The following SEMA3A variants were observed in gnomAD, a reference collection of about 807,000 sequenced individuals.
SEMA3A encodes semaphorin 3A, also known as semaphorin-3A.
Under a neutral mutation model 97.9 loss-of-function variants are expected in SEMA3A, and 29 were observed. That is an observed-to-expected ratio of 0.30 (90% CI 0.22 to 0.40). SEMA3A has a LOEUF of 0.40. Among genes scored for constraint, SEMA3A ranks in the 10% least tolerant of loss-of-function variants. The pLI is 1.00. For synonymous variants in SEMA3A, 321 were observed against 323.7 expected (o/e 0.99, Z 0.09); for missense variants, 763 against 951.3 (o/e 0.80, Z 2.60).
At chr7:84,415,654 A>G (rs2116263040) in intron 1 of SEMA3A, among the ~76,000 whole-genome samples, 1 of 152,160 alleles carries the variant, frequency 6.6e-6, no homozygotes, top group South Asian at 2.1e-4. Flanking sequence ...ACTCCTCTTC[A>G]GGTTTGGAAT....
chr7:84,037,183 G>A (rs569617190), intron 6 of SEMA3A, among the ~76,000 whole-genome samples: 1 of 150,416 alleles, frequency 6.6e-6, no homozygotes, highest in African/African-American at 2.4e-5. Context: ...TTCTCTTAAG[G>A]ATTACCTGTT....
chr7:84,042,914 T>C (rs1279009640), intron 6 of SEMA3A, among the ~76,000 whole-genome samples: 1 of 152,100 alleles, frequency 6.6e-6, no homozygotes, highest in Non-Finnish European at 1.5e-5. Context: ...ATCATTATGA[T>C]AACAGCAGCA....
intron 5 of SEMA3A, among the ~76,000 whole-genome samples, chr7:84,054,951 G>C (rs190129375): frequency 0.013 from 1,986 of 152,132 alleles, 12 homozygotes; most frequent in East Asian, 0.021. Context: ...AGGTCTGTTG[G>C]AGTACCCTGC....
intron 1 of SEMA3A, among the ~76,000 whole-genome samples, chr7:84,474,347 G>T (rs528185948): frequency 1.4e-4 from 21 of 152,304 alleles, no homozygotes; most frequent in Admixed American, 1.3e-3. Context: ...AAGACAGGTT[G>T]TTTCCCAGAT....
intron 1 of SEMA3A, among the ~76,000 whole-genome samples, chr7:84,463,234 A>ATTTTTTTTT (rs1156790369): frequency 1.6e-5 from 1 of 62,064 alleles, no homozygotes; most frequent in African/African-American, 7.6e-5. Flanking sequence ...TTTTGTAACT[A>ATTTTTTTTT]TTCTTTTTTT....
intron 6 of SEMA3A, among the ~76,000 whole-genome samples, chr7:84,028,773 T>G (rs1791634753): frequency 6.6e-6 from 1 of 151,802 alleles, no homozygotes. Context: ...CCCTGCTAAT[T>G]TTTATTTTTA....
At chr7:84,001,493 ATTTC>A (rs766378453) in intron 12 of SEMA3A, among the ~76,000 whole-genome samples, 20 of 152,248 alleles carry the variant, frequency 1.3e-4, no homozygotes, top group Admixed American at 2.0e-4. Flanking sequence ...CTAACAAATG[ATTTC>A]TTTAAGAAAA....
intron 3 of SEMA3A, among the ~76,000 whole-genome samples, chr7:84,265,720 C>T (rs925270307): frequency 3.3e-5 from 5 of 151,740 alleles, no homozygotes; most frequent in African/African-American, 1.2e-4. Context: ...CACTCCTAGG[C>T]CCAGCCTAGT....
chr7:84,340,092 T>C (rs948399501), intron 2 of SEMA3A, among the ~76,000 whole-genome samples: 1 of 152,050 alleles, frequency 6.6e-6, no homozygotes, highest in Admixed American at 6.5e-5. Flanking sequence ...TGTGATGTAG[T>C]GATATTTATG....
chr7:83,980,613 A>AAAAAACAAAACAAAAC (rs1554383411), intron 14 of SEMA3A, among the ~76,000 whole-genome samples: 1 of 81,546 alleles, frequency 1.2e-5, no homozygotes, highest in African/African-American at 5.2e-5. Context: ...CAAAAAAAAA[A>AAAAAACAAAACAAAAC]AAAAAAAAAA....
intron 1 of SEMA3A, among the ~76,000 whole-genome samples, chr7:84,487,325 G>A: frequency 6.6e-6 from 1 of 152,040 alleles, no homozygotes; most frequent in East Asian, 1.9e-4. Context: ...GTGACTGCTG[G>A]CTGGGACTTC....
At chr7:84,127,016 C>CTT in intron 3 of SEMA3A, among the ~76,000 whole-genome samples, 1 of 146,032 alleles carries the variant, frequency 6.8e-6, no homozygotes, top group East Asian at 2.0e-4. Context: ...GAAGAACACA[C>CTT]TTTTTTTTTT....
intron 1 of SEMA3A, among the ~76,000 whole-genome samples, chr7:84,155,260 A>G (rs1310964474): frequency 3.9e-5 from 6 of 152,082 alleles, no homozygotes; most frequent in African/African-American, 1.4e-4. Flanking sequence ...GGACCACATA[A>G]AATAGTGTCT....
intron 1 of SEMA3A, among the ~76,000 whole-genome samples, chr7:84,471,975 A>T (rs1806165366): frequency 6.6e-6 from 1 of 151,284 alleles, no homozygotes; most frequent in Admixed American, 6.6e-5. Context: ...GATTATTATT[A>T]ATTGCATTGA....
chr7:83,996,036 T>C (rs1455330783), intron 12 of SEMA3A, among the ~76,000 whole-genome samples: 2 of 152,182 alleles, frequency 1.3e-5, no homozygotes, highest in African/African-American at 2.4e-5. Flanking sequence ...ATTCCTTACA[T>C]TCAATAGAAC....
chr7:84,281,473 C>T (rs1318391833), intron 3 of SEMA3A, among the ~76,000 whole-genome samples: 2 of 152,090 alleles, frequency 1.3e-5, no homozygotes, highest in African/African-American at 2.4e-5. Flanking sequence ...GTGAGCATCA[C>T]CCAGGGATTA....
At chr7:84,471,113 G>T (rs1806134608) in intron 1 of SEMA3A, among the ~76,000 whole-genome samples, 1 of 152,040 alleles carries the variant, frequency 6.6e-6, no homozygotes. Context: ...CAAATAGACT[G>T]CTTTTTGAAG....
chr7:84,213,286 A>C (rs896930152), intron 3 of SEMA3A, among the ~76,000 whole-genome samples: 2 of 151,056 alleles, frequency 1.3e-5, no homozygotes, highest in Admixed American at 6.6e-5. Context: ...CTGTTTCTTA[A>C]TTTTTTTTTA....
chr7:84,168,608 A>G (rs1287947704), intron 1 of SEMA3A, among the ~76,000 whole-genome samples: 2 of 151,934 alleles, frequency 1.3e-5, no homozygotes, highest in Non-Finnish European at 2.9e-5. Context: ...CCAAATTAAA[A>G]TAGCATGTTT....
Sources: gnomAD v4.1 joint callset for allele counts (sites outside exome capture counted in the v4.1 genomes callset) on GRCh38, gnomAD v4.1.1 for gene constraint, MANE v1.5 for transcripts, NCBI Gene and HGNC (gene_info 2026-07-23, HGNC 2026-07-21) for gene names.